The following DENND4C variants were observed in gnomAD, a reference collection of about 807,000 sequenced individuals.
DENND4C encodes the protein DENN domain containing 4C, also known as DENN domain-containing protein 4C.
Under a neutral mutation model 203.0 loss-of-function variants are expected in DENND4C, and 108 were observed. The observed-to-expected ratio is 0.53, with a 90% CI of 0.46 to 0.62. DENND4C has a LOEUF of 0.62. Ranked by LOEUF, DENND4C falls within the 20% of genes least tolerant of loss-of-function variation. The pLI is 0.00. For synonymous variants in DENND4C, 871 were observed against 792.4 expected (o/e 1.10, Z -1.67); for missense variants, 2,481 against 2,301.2 (o/e 1.08, Z -1.60).
chr9:19,296,021 C>T lies in DENND4C; in HGVS notation c.815C>T (p.Ala272Val). The part of the protein sequence containing the change: ...GSSAKKVYGA[A>V]IQFYEPYSRE... ...GTTACTCTTTAGGTATATGGAGCTG[C>T]CATTCAGTTTTATGAACCTTACTCT... is the stretch of plus-strand genomic sequence containing the variant. Residue 272 changes from alanine to valine, a missense_variant, in exon 6 of 33, where the codon GCC becomes GTC. Physicochemically the swap from Ala to Val is moderately conservative, Grantham distance 64 (BLOSUM62 0). Coordinates refer to ENST00000434457, the MANE Select transcript of DENND4C (RefSeq NM_001330640.2). The T allele has an allele frequency of 6.2e-7, 1 of 1,613,152 alleles. No individual in the cohort carries two copies. The highest frequency in any genetic ancestry group is 8.5e-7 in the Non-Finnish European group (1 of 1,179,342).
intron 1 of DENND4C, among the ~76,000 whole-genome samples, chr9:19,233,037 T>TA (rs5896836): frequency 0.26 from 36,775 of 141,618 alleles, 4,506 homozygotes; most frequent in Admixed American, 0.31. Flanking sequence ...GCTGCCTGAT[T>TA]AAAAAAAAAA....
intron 31 of DENND4C, among the ~76,000 whole-genome samples, chr9:19,370,825 C>T (rs999045646): frequency 9.2e-5 from 14 of 152,192 alleles, no homozygotes; most frequent in Admixed American, 5.9e-4. Flanking sequence ...TGTGCGTAAT[C>T]GCGTATATCA....
At chr9:19,310,276 G>T (rs1840485631) in intron 10 of DENND4C, among the ~76,000 whole-genome samples, 1 of 152,192 alleles carries the variant, frequency 6.6e-6, no homozygotes, top group Non-Finnish European at 1.5e-5. Flanking sequence ...CTAGTGTAAT[G>T]TTGAACAGAA....
chr9:19,352,154 C>A lies in DENND4C; in HGVS notation c.4577C>A (p.Ser1526Tyr). The change falls in exon 25 of 33, where the codon TCT becomes TAT. Residue 1526 changes from serine to tyrosine, a missense_variant. This residue lies in a region of DENND4C where 2,289 missense variants were observed against 2,113.3 expected (regional missense o/e 1.08). Transcript: ENST00000434457. Reference sequence around the variant, plus strand: ...GGTTCTTCTCAAAATACCAGCATGTCTAGCATCTATCAGAATTGTGCAATG... The same window carrying A: ...GGTTCTTCTCAAAATACCAGCATGTATAGCATCTATCAGAATTGTGCAATG... ...DHGSSQNTSM[S>Y]SIYQNCAMEV... 1 of 1,613,882 alleles carries A rather than the reference C, an allele frequency of 6.2e-7. No individual in the cohort carries two copies. Among genetic ancestry groups the A allele is most frequent in the Non-Finnish European group, 8.5e-7 (1 of 1,179,900 alleles).
intron 1 of DENND4C, among the ~76,000 whole-genome samples, chr9:19,231,479 G>T (rs1424327921): frequency 2.0e-5 from 3 of 152,026 alleles, no homozygotes; most frequent in East Asian, 3.9e-4. Flanking sequence ...ACCAAGGAAT[G>T]AAGTCCTAAG....
chr9:19,324,990 T>G (rs1843490670), intron 13 of DENND4C, among the ~76,000 whole-genome samples: 1 of 152,202 alleles, frequency 6.6e-6, no homozygotes, highest in African/African-American at 2.4e-5. Context: ...ATCCTTGGGA[T>G]TGCAGGATGA....
At chr9:19,304,059 A>AAC (rs913611994) in intron 9 of DENND4C, among the ~76,000 whole-genome samples, 24 of 151,540 alleles carry the variant, frequency 1.6e-4, no homozygotes, top group African/African-American at 5.3e-4. Flanking sequence ...AAAAAAAAAA[A>AAC]AAACCCACAA....
intron 16 of DENND4C, among the ~76,000 whole-genome samples, chr9:19,330,826 G>C (rs565045138): frequency 6.6e-6 from 1 of 151,980 alleles, no homozygotes; most frequent in Non-Finnish European, 1.5e-5. Flanking sequence ...GAGGTGGGCA[G>C]ATCACCTGAG....
chr9:19,284,637 A>G (rs766055109), intron 2 of DENND4C, among the ~76,000 whole-genome samples: 3 of 152,118 alleles, frequency 2.0e-5, no homozygotes, highest in Non-Finnish European at 2.9e-5. Context: ...TTTTTTGTCA[A>G]TCTCACAGAG....
chr9:19,271,712 C>T (rs1172649611), intron 1 of DENND4C, among the ~76,000 whole-genome samples: 1 of 151,612 alleles, frequency 6.6e-6, no homozygotes, highest in African/African-American at 2.4e-5. Context: ...ACTAAAAATA[C>T]AAAATTAGCT....
chr9:19,287,859 G>C (rs1033496984), intron 3 of DENND4C, among the ~76,000 whole-genome samples: 4 of 152,100 alleles, frequency 2.6e-5, no homozygotes, highest in African/African-American at 9.7e-5. Flanking sequence ...CAGCCTCCCA[G>C]GTAGCTGGGG....
chr9:19,344,490 C>A (rs1303004792), intron 22 of DENND4C, among the ~76,000 whole-genome samples: 1 of 152,050 alleles, frequency 6.6e-6, no homozygotes, highest in African/African-American at 2.4e-5. Context: ...AGAGCAAGAC[C>A]CTAACTTTGT....
chr9:19,293,819 G>C (rs889424414), intron 5 of DENND4C, among the ~76,000 whole-genome samples: 8 of 152,162 alleles, frequency 5.3e-5, no homozygotes, highest in South Asian at 2.1e-4. Flanking sequence ...ACTTTTGAAG[G>C]ATGAGATATT....
At chr9:19,281,785 T>C (rs1453889954) in intron 2 of DENND4C, among the ~76,000 whole-genome samples, 1 of 152,234 alleles carries the variant, frequency 6.6e-6, no homozygotes, top group Admixed American at 6.5e-5. Context: ...TTACTACATA[T>C]ACAACTATAG....
intron 9 of DENND4C, among the ~76,000 whole-genome samples, chr9:19,301,283 G>A (rs1310989938): frequency 6.6e-6 from 1 of 152,006 alleles, no homozygotes; most frequent in East Asian, 1.9e-4. Context: ...TCACCCATTA[G>A]TTGTTTAATT....
chr9:19,304,403 C>T (rs1472798683), intron 9 of DENND4C, among the ~76,000 whole-genome samples: 1 of 151,926 alleles, frequency 6.6e-6, no homozygotes, highest in Non-Finnish European at 1.5e-5. Flanking sequence ...AGGCTGGTCT[C>T]AAACTTCTGA....
intron 31 of DENND4C, among the ~76,000 whole-genome samples, chr9:19,370,630 C>G (rs1239482270): frequency 6.6e-6 from 1 of 152,126 alleles, no homozygotes; most frequent in East Asian, 1.9e-4. Context: ...CACATCTTTT[C>G]TTTTGTTGGA....
At chr9:19,345,608 C>G (rs1383689864) in intron 22 of DENND4C, among the ~76,000 whole-genome samples, 1 of 152,040 alleles carries the variant, frequency 6.6e-6, no homozygotes, top group African/African-American at 2.4e-5. Flanking sequence ...GGAAGAGATT[C>G]TTTCTTTTTC....
At chr9:19,261,596 A>G (rs1829372396) in intron 1 of DENND4C, among the ~76,000 whole-genome samples, 3 of 151,624 alleles carry the variant, frequency 2.0e-5, no homozygotes, top group Admixed American at 2.0e-4. Context: ...TTGACCTCCT[A>G]GGCTCAAGAG....
Sources: allele counts gnomAD v4.1 joint callset (sites outside exome capture counted in the v4.1 genomes callset), GRCh38; gene constraint gnomAD v4.1.1; regional missense constraint gnomAD v4.1.1; transcripts MANE v1.5; gene names NCBI Gene and HGNC (gene_info 2026-07-23, HGNC 2026-07-21).